Variants in LHFPL6 observed in about 807,000 individuals in gnomAD.
LHFPL6 encodes LHFPL tetraspan subfamily member 6.
A neutral mutation model predicts 20.6 loss-of-function variants in LHFPL6; 9 were observed. That is an observed-to-expected ratio of 0.44 (90% confidence interval 0.26 to 0.76). LHFPL6 has a LOEUF of 0.76. Ranked by LOEUF, LHFPL6 falls within the 30% of genes least tolerant of loss-of-function variation. LHFPL6 has a pLI of 0.20. For missense variants in LHFPL6, 218 were observed against 253.5 expected, an observed-to-expected ratio of 0.86 and a Z score of 0.95; for synonymous variants, 105 against 98.7, an observed-to-expected ratio of 1.06 and a Z score of -0.38.
intron 2 of LHFPL6, among the ~76,000 whole-genome samples, chr13:39,443,119 G>T (rs563026616): frequency 6.6e-6 from 1 of 152,140 alleles, no homozygotes; most frequent in East Asian, 1.9e-4. Flanking sequence ...TCTCATAAAT[G>T]CATTAACAAT....
intron 2 of LHFPL6, among the ~76,000 whole-genome samples, chr13:39,573,138 A>G (rs1871987970): frequency 6.6e-6 from 1 of 152,214 alleles, no homozygotes; most frequent in African/African-American, 2.4e-5. Context: ...ATAGGACTCC[A>G]GATACAACAG....
intron 2 of LHFPL6, among the ~76,000 whole-genome samples, chr13:39,465,614 G>A (rs757199603): frequency 1.3e-5 from 2 of 152,136 alleles, no homozygotes; most frequent in Non-Finnish European, 2.9e-5. Context: ...AAGTAGGGCT[G>A]CTTGTCTGGA....
chr13:39,417,246 T>C (rs1286235510), intron 2 of LHFPL6, among the ~76,000 whole-genome samples: 1 of 152,238 alleles, frequency 6.6e-6, no homozygotes, highest in Non-Finnish European at 1.5e-5. Context: ...CCAAAGGCAC[T>C]GTTGGTTAAC....
chr13:39,488,391 T>C (rs1868795152), intron 2 of LHFPL6, among the ~76,000 whole-genome samples: 1 of 152,196 alleles, frequency 6.6e-6, no homozygotes, highest in Non-Finnish European at 1.5e-5. Flanking sequence ...CTTGACAGTT[T>C]AAATGTGAGC....
At chr13:39,391,812 T>C (rs1870714573) in intron 2 of LHFPL6, among the ~76,000 whole-genome samples, 1 of 152,222 alleles carries the variant, frequency 6.6e-6, no homozygotes, top group African/African-American at 2.4e-5. Context: ...TTCTGGGACA[T>C]CAGGAAAGAA....
chr13:39,483,258 T>A (rs1353241030), intron 2 of LHFPL6, among the ~76,000 whole-genome samples: 1 of 152,196 alleles, frequency 6.6e-6, no homozygotes, highest in East Asian at 1.9e-4. Flanking sequence ...GTCTCTGCCC[T>A]GTTCCAGCTT....
At chr13:39,479,970 G>T (rs985810607) in intron 2 of LHFPL6, among the ~76,000 whole-genome samples, 1 of 152,132 alleles carries the variant, frequency 6.6e-6, no homozygotes, top group Admixed American at 6.5e-5. Flanking sequence ...TTCATAGCGC[G>T]ACTTCTTTTT....
chr13:39,384,862 G>A (rs1007960179), intron 2 of LHFPL6, among the ~76,000 whole-genome samples: 4 of 152,112 alleles, frequency 2.6e-5, no homozygotes, highest in African/African-American at 7.2e-5. Context: ...CATAAAAAAG[G>A]CGTCAGTTTC....
At chr13:39,589,210 G>A (rs1872536062) in intron 2 of LHFPL6, among the ~76,000 whole-genome samples, 1 of 152,030 alleles carries the variant, frequency 6.6e-6, no homozygotes, top group African/African-American at 2.4e-5. Flanking sequence ...GGGTTTAAGC[G>A]ATTCTCCTGC....
At chr13:39,590,038 AAATAT>A (rs1377402512) in intron 2 of LHFPL6, among the ~76,000 whole-genome samples, 2 of 152,216 alleles carry the variant, frequency 1.3e-5, no homozygotes, top group African/African-American at 4.8e-5. Flanking sequence ...TCTGATTTCT[AAATAT>A]AATATAAAGT....
At chr13:39,430,717 G>T (rs186739099) in intron 2 of LHFPL6, among the ~76,000 whole-genome samples, 1 of 151,788 alleles carries the variant, frequency 6.6e-6, no homozygotes, top group Non-Finnish European at 1.5e-5. Context: ...CACATCAATC[G>T]GCACTCTGTA....
chr13:39,454,768 G>A lies in LHFPL6; in HGVS notation c.386-76242C>T, dbSNP rs1593318909. Among the ~76,000 whole-genome samples, 3 of 152,114 alleles carry A rather than the reference G, an allele frequency of 2.0e-5. No individual in the cohort carries two copies. In the South Asian group the frequency reaches 6.2e-4, roughly 32 times the overall value. Reference sequence around the variant, plus strand: ...ATTATCATTAGTGCTTTAAAGAGCTGCCTTTTGTGGATAGAATGAATTATT... The same window carrying A: ...ATTATCATTAGTGCTTTAAAGAGCTACCTTTTGTGGATAGAATGAATTATT... On this transcript the variant is annotated intron_variant, in intron 2 of 3. Transcript: ENST00000379589.
At chr13:39,431,459 C>A (rs1871800153) in intron 2 of LHFPL6, among the ~76,000 whole-genome samples, 1 of 152,222 alleles carries the variant, frequency 6.6e-6, no homozygotes, top group Non-Finnish European at 1.5e-5. Context: ...ACAACACCTA[C>A]AAACTCATAC....
At chr13:39,477,947 A>C (rs1304075439) in intron 2 of LHFPL6, among the ~76,000 whole-genome samples, 1 of 152,250 alleles carries the variant, frequency 6.6e-6, no homozygotes, top group Non-Finnish European at 1.5e-5. Context: ...TTATCCAAAA[A>C]GAATGTGATA....
intron 2 of LHFPL6, among the ~76,000 whole-genome samples, chr13:39,442,611 T>C (rs1872169528): frequency 6.6e-6 from 1 of 152,246 alleles, no homozygotes; most frequent in African/African-American, 2.4e-5. Context: ...TATGTAGCTC[T>C]AAGTGTCTAT....
At chr13:39,564,825 A>ATACTAACT (rs1421745650) in intron 2 of LHFPL6, among the ~76,000 whole-genome samples, 1 of 152,244 alleles carries the variant, frequency 6.6e-6, no homozygotes, top group East Asian at 1.9e-4. Context: ...TTGGAGCAGT[A>ATACTAACT]TACTAACTCT....
rs898018237 is a variant in LHFPL6 at position 39,581,130 on chromosome 13, C to T, written c.385+19702G>A. ...TACAGAAACAATCTGCCAAACCCTA[C>T]AAGCCTAACAAGCTAAATAAGGAAA... On this transcript the variant is annotated intron_variant, in intron 2 of 3. Coordinates refer to ENST00000379589, the MANE Select transcript of LHFPL6 (RefSeq NM_005780.3). 3.3e-5 allele frequency among the ~76,000 whole-genome samples: 5 copies of T among 152,162 alleles called. No homozygotes were observed. In the East Asian group the frequency reaches 9.6e-4, roughly 29 times the overall value.
intron 2 of LHFPL6, among the ~76,000 whole-genome samples, chr13:39,592,892 T>G (rs1450914164): frequency 6.6e-6 from 1 of 152,240 alleles, no homozygotes; most frequent in Non-Finnish European, 1.5e-5. Flanking sequence ...TCTCCATAGA[T>G]GCAGGAAAGG....
intron 2 of LHFPL6, among the ~76,000 whole-genome samples, chr13:39,558,354 A>G (rs1157412718): frequency 2.0e-5 from 3 of 152,228 alleles, no homozygotes; most frequent in Non-Finnish European, 4.4e-5. Context: ...TGCAATGCCT[A>G]TAATATAGCA....
Sources: allele counts gnomAD v4.1 joint callset (sites outside exome capture counted in the v4.1 genomes callset), GRCh38; gene constraint gnomAD v4.1.1; transcripts MANE v1.5; gene names NCBI Gene and HGNC (gene_info 2026-07-23, HGNC 2026-07-21).